AKAP1: variants seen among roughly 807,000 people sequenced by gnomAD.
AKAP1 encodes the protein A-kinase anchoring protein 1, also known as A-kinase anchor protein 1, mitochondrial.
In AKAP1, 32 loss-of-function variants were observed where a neutral mutation model predicts 79.8. The ratio of observed to expected loss-of-function variants is 0.40; its 90% CI spans 0.30 to 0.54. AKAP1 has a LOEUF of 0.54. Among genes scored for constraint, AKAP1 ranks in the 20% least tolerant of loss-of-function variants. The pLI is 0.47. For synonymous variants in AKAP1, 416 were observed against 466.7 expected, an observed-to-expected ratio of 0.89 and a Z score of 1.40; for missense variants, 961 against 1,138.9, an observed-to-expected ratio of 0.84 and a Z score of 2.25.
chr17:57,094,093 TG>T, intron 1 of AKAP1: 1 of 152,216 alleles, frequency 6.6e-6, no homozygotes. Context: ...CTTAATTTTC[TG>T]TCTCTCTCAC....
intron 6 of AKAP1, among the ~76,000 whole-genome samples, chr17:57,115,003 C>A (rs1332377010): frequency 6.6e-6 from 1 of 151,592 alleles, no homozygotes; most frequent in African/African-American, 2.4e-5. Context: ...GTGTTGAATA[C>A]TGTATGTATT....
At chr17:57,114,364 T>A (rs1264345094) in intron 5 of AKAP1, 95 bp from the exon 6 acceptor site, 2 of 1,470,792 alleles carry the variant, frequency 1.4e-6, no homozygotes, top group Non-Finnish European at 1.8e-6. Context: ...TTCAAAGATA[T>A]GCTAGCCCAG....
chr17:57,108,672 G>GC (rs1236264216), intron 2 of AKAP1, among the ~76,000 whole-genome samples: 1 of 152,204 alleles, frequency 6.6e-6, no homozygotes, highest in Non-Finnish European at 1.5e-5. Flanking sequence ...TTAGTGCCTC[G>GC]CATGTACCTT....
At chr17:57,111,691 A>T in intron 3 of AKAP1, 107 bp from the exon 4 acceptor site, 1 of 1,359,674 alleles carries the variant, frequency 7.4e-7, no homozygotes, top group Non-Finnish European at 1.0e-6. Flanking sequence ...ACATGGTAAC[A>T]GCTAATATGT....
chr17:57,095,714 C>G (rs1238021311), intron 1 of AKAP1: 1 of 152,060 alleles, frequency 6.6e-6, no homozygotes, highest in Non-Finnish European at 1.5e-5. Context: ...TGAGGTGCTG[C>G]GAAGGGTTTC....
At chr17:57,090,154 G>A (rs1913694163) in intron 1 of AKAP1, among the ~76,000 whole-genome samples, 1 of 152,098 alleles carries the variant, frequency 6.6e-6, no homozygotes, top group Non-Finnish European at 1.5e-5. Flanking sequence ...GGCAGGGGTG[G>A]GGAGTTCTTT....
intron 8 of AKAP1, among the ~76,000 whole-genome samples, chr17:57,117,917 A>G (rs978376718): frequency 7.9e-5 from 12 of 152,238 alleles, no homozygotes; most frequent in East Asian, 7.7e-4. Context: ...TGTGTGGCCA[A>G]CTGCCTGGGT....
At chr17:57,119,712 C>G (rs572625810) in intron 10 of AKAP1, among the ~76,000 whole-genome samples, 10 of 151,534 alleles carry the variant, frequency 6.6e-5, no homozygotes, top group South Asian at 2.1e-4. Context: ...AAGACTCTGT[C>G]TCAAAAAACA....
chr17:57,120,328 C>G lies in AKAP1; in HGVS notation c.*4C>G. On this transcript the variant is annotated 3_prime_UTR_variant, in exon 11 of 11. Coordinates refer to ENST00000337714, the MANE Select transcript of AKAP1 (RefSeq NM_003488.4). The stretch of plus-strand genomic sequence containing the variant: ...CAGCTACTACACAAGCCTTTGACCC[C>G]CATGCTGCTTCCTGAGAGTCTTTTT... 1 of 1,611,122 alleles carries G rather than the reference C, an allele frequency of 6.2e-7. No individual in the cohort carries two copies. Among genetic ancestry groups the G allele is most frequent in the East Asian group, 2.2e-5 (1 of 44,826 alleles).
At chr17:57,085,606 C>G (rs1913393198) in intron 1 of AKAP1, 1 of 152,532 alleles carries the variant, frequency 6.6e-6, no homozygotes, top group African/African-American at 2.4e-5. Context: ...CCCTCGTCTG[C>G]GCCCCCTCTC....
intron 1 of AKAP1, among the ~76,000 whole-genome samples, chr17:57,087,491 G>C (rs1313439812): frequency 6.6e-6 from 1 of 152,202 alleles, no homozygotes; most frequent in Non-Finnish European, 1.5e-5. Flanking sequence ...TTGAGCTTTG[G>C]ACATAGGCTG....
chr17:57,106,362 G>A lies in AKAP1; in HGVS notation c.898G>A (p.Val300Ile). The A allele has an allele frequency of 6.2e-7, 1 of 1,614,148 alleles. No individual in the cohort carries two copies. Among genetic ancestry groups the A allele is most frequent in the Non-Finnish European group, 8.5e-7 (1 of 1,180,034 alleles). Residue 300 changes from valine (V) to isoleucine (I), a missense_variant, in exon 2 of 11, where the codon GTC becomes ATC. This residue lies in a region of AKAP1 where 629 missense variants were observed against 781.1 expected (regional missense o/e 0.81). Transcript: ENST00000337714. Reference sequence around the variant, plus strand: ...AGACGCCAAAGCCCAGGATAGAGGTGTCGAGGGAGAACTGGGCAATGAGGA... The same window carrying A: ...AGACGCCAAAGCCCAGGATAGAGGTATCGAGGGAGAACTGGGCAATGAGGA... ...VADAKAQDRG[V>I]EGELGNEESL...
intron 5 of AKAP1, 68 bp from the exon 6 acceptor site, chr17:57,114,391 C>A: frequency 6.4e-7 from 1 of 1,569,490 alleles, no homozygotes; most frequent in Non-Finnish European, 8.7e-7. Flanking sequence ...GCCCTTGGGT[C>A]TCGGGACTTA....
chr17:57,118,358 C>G lies in AKAP1; in HGVS notation c.2501-23C>G. 1.9e-6 allele frequency: 3 copies of G among 1,613,086 alleles called. No individual in the cohort carries two copies. In the South Asian group the frequency reaches 3.3e-5, roughly 18 times the overall value. On this transcript the variant is annotated intron_variant, in intron 8 of 10. Coordinates refer to ENST00000337714, the MANE Select transcript of AKAP1 (RefSeq NM_003488.4). ...CTTGCCTCAGTGAGAGCCTAAATGC[C>G]GCTTTTCCTTTTCCTCCTGAAGACG...
intron 1 of AKAP1, among the ~76,000 whole-genome samples, chr17:57,099,468 A>T (rs533479319): frequency 2.2e-4 from 33 of 152,208 alleles, no homozygotes; most frequent in Admixed American, 2.2e-3. Context: ...CTGGGGAGAG[A>T]TGGGCACTGG....
intron 6 of AKAP1, among the ~76,000 whole-genome samples, chr17:57,115,574 G>C (rs1915531045): frequency 6.6e-6 from 1 of 152,202 alleles, no homozygotes; most frequent in African/African-American, 2.4e-5. Flanking sequence ...ATCCTGGGTG[G>C]CTGCCCAGGT....
chr17:57,108,359 T>C (rs1160645728), intron 2 of AKAP1, among the ~76,000 whole-genome samples: 2 of 152,238 alleles, frequency 1.3e-5, no homozygotes, highest in Non-Finnish European at 2.9e-5. Flanking sequence ...ATATGATGCA[T>C]CCTAATCTCG....
At chr17:57,114,069 C>A (rs1915423797) in intron 5 of AKAP1, among the ~76,000 whole-genome samples, 1 of 152,126 alleles carries the variant, frequency 6.6e-6, no homozygotes, top group Admixed American at 6.5e-5. Context: ...TCCTGTGTTG[C>A]CCTCCCTGGG....
Position 57,106,564 on chromosome 17 carries a change from C to T in AKAP1, c.1100C>T (p.Thr367Met), listed in dbSNP as rs745325436. 7 of 1,614,114 alleles carry T rather than the reference C, an allele frequency of 4.3e-6. No individual in the cohort carries two copies. The highest frequency in any genetic ancestry group is 5.9e-6 in the Non-Finnish European group (7 of 1,180,056). Residue 367 changes from threonine (T) to methionine (M), a missense_variant, in exon 2 of 11, where the codon ACG becomes ATG. This residue lies in a region of AKAP1 where 629 missense variants were observed against 781.1 expected (regional missense o/e 0.81). Transcript: ENST00000337714. ...GCAACCGAACAGGTGCTGGCCACCACGGTTGGCAAGGTTGCAGGTCGTGTG... is the reference window on the plus strand; with the variant it reads ...GCAACCGAACAGGTGCTGGCCACCATGGTTGGCAAGGTTGCAGGTCGTGTG... Reference protein sequence around the residue: ...SEATEQVLATTVGKVAGRVCQ... With the variant: ...SEATEQVLATMVGKVAGRVCQ...
Sources: gnomAD v4.1 joint callset for allele counts (sites outside exome capture counted in the v4.1 genomes callset) on GRCh38, gnomAD v4.1.1 for gene constraint, gnomAD v4.1.1 regional missense constraint, MANE v1.5 for transcripts, NCBI Gene and HGNC (gene_info 2026-07-23, HGNC 2026-07-21) for gene names.